ZSCAN30: variants seen among roughly 807,000 people sequenced by gnomAD.
ZSCAN30 encodes zinc finger and SCAN domain containing 30.
ZSCAN30 carries 37 observed loss-of-function variants against 44.3 expected under a neutral mutation model. The ratio of observed to expected loss-of-function variants is 0.84; its 90% CI spans 0.64 to 1.10. ZSCAN30 has a LOEUF of 1.10. Among genes scored for constraint, ZSCAN30 ranks in the 50% least tolerant of loss-of-function variants. ZSCAN30 has a pLI of 0.00. For synonymous variants in ZSCAN30, 181 were observed against 204.6 expected (o/e 0.88, Z 0.98); for missense variants, 549 against 582.6 (o/e 0.94, Z 0.59).
chr18:35,251,439 G>T lies in ZSCAN30; in HGVS notation c.*2011C>A, dbSNP rs895174408. ...TTCTGATCGACCTCACTCGATAACTGCACAACCTCTGGACACAAAGAGGCC... is the reference window on the plus strand; with the variant it reads ...TTCTGATCGACCTCACTCGATAACTTCACAACCTCTGGACACAAAGAGGCC... On this transcript the variant is annotated 3_prime_UTR_variant, in exon 4 of 4. Coordinates refer to ENST00000333206, the MANE Select transcript of ZSCAN30 (RefSeq NM_001112734.4). 1.3e-5 allele frequency: 2 copies of T among 152,162 alleles called. No individual in the cohort carries two copies. Among genetic ancestry groups the T allele is most frequent in the African/African-American group, 4.8e-5 (2 of 41,412 alleles). 9.4% of individuals were successfully genotyped at this position (152,162 alleles called of 1,614,324 possible).
Position 35,254,212 on chromosome 18 carries a change from A to G in ZSCAN30, c.723T>C (p.Asn241=), listed in dbSNP as rs1341858394. 1.2e-6 allele frequency: 2 copies of G among 1,614,100 alleles called. No homozygotes were observed. Among genetic ancestry groups the G allele is most frequent in the Non-Finnish European group, 1.7e-6 (2 of 1,180,000 alleles). The part of the protein sequence containing the change: ...GLDNSKKQKG[N]AAGNKISQLP... ...GCTGACTGATTTTGTTCCCTGCAGC[A>G]TTTCCCTTTTGCTTCTTAGAGTTGT... Residue 241 remains asparagine, a synonymous_variant, in exon 4 of 4, where the codon AAT becomes AAC. Transcript: ENST00000333206.
chr18:35,288,844 CAT>C (rs1203659121), intron 1 of ZSCAN30, among the ~76,000 whole-genome samples: 1 of 152,140 alleles, frequency 6.6e-6, no homozygotes, highest in Non-Finnish European at 1.5e-5. Flanking sequence ...ATGTAATAAA[CAT>C]ATTATTTTGA....
At chr18:35,281,761 A>T (rs1379100904) in intron 1 of ZSCAN30, 1 of 152,170 alleles carries the variant, frequency 6.6e-6, no homozygotes, top group East Asian at 1.9e-4. Flanking sequence ...CTCTTACAGA[A>T]ATTCTAGAAG....
rs2043680915 is a variant in ZSCAN30, at chr18:35,253,758, C to T, written c.1177G>A (p.Ala393Thr). 6.2e-7 allele frequency: 1 copy of T among 1,613,492 alleles called. No homozygotes were observed. Among genetic ancestry groups the T allele is most frequent in the South Asian group, 1.1e-5 (1 of 91,036 alleles). The change falls in exon 4 of 4, where the codon GCC becomes ACC. Residue 393 changes from alanine (A) to threonine (T), a missense_variant. Transcript: ENST00000333206. ...KPYECGECGK[A>T]FSRSSALIQH... ...ATAAGGGCTGAGCTCCGGCTGAAGG[C>T]CTTCCCACATTCTCCACATTCATAA...
chr18:35,253,513 A>G lies in ZSCAN30; in HGVS notation c.1422T>C (p.Cys474=), dbSNP rs774805556. Residue 474 remains cysteine, a synonymous_variant, in exon 4 of 4, where the codon TGT becomes TGC. Coordinates refer to ENST00000333206, the MANE Select transcript of ZSCAN30 (RefSeq NM_001112734.4). ...CTGACCTATGCCTAAATGTTTTTCT[A>G]CATTCACTACATTCATAAGGCTTCT... The part of the protein sequence containing the change: ...TGEKPYECSE[C]RKTFRHRSGL... 1.2e-6 allele frequency: 2 copies of G among 1,611,898 alleles called. No individual in the cohort carries two copies. Among genetic ancestry groups the G allele is most frequent in the East Asian group, 2.2e-5 (1 of 44,824 alleles).
intron 1 of ZSCAN30, chr18:35,282,285 G>C (rs1198707988): frequency 6.6e-6 from 1 of 152,150 alleles, no homozygotes; most frequent in African/African-American, 2.4e-5. Flanking sequence ...CCAACAAAAA[G>C]ACTATTTTCC....
intron 1 of ZSCAN30, chr18:35,282,694 T>C (rs1484855282): frequency 6.6e-6 from 1 of 152,228 alleles, no homozygotes; most frequent in African/African-American, 2.4e-5. Context: ...CTTCTCCAAC[T>C]CCTGGCCTAT....
chr18:35,282,877 G>GACTA (rs760234928), intron 1 of ZSCAN30: 12 of 152,120 alleles, frequency 7.9e-5, no homozygotes, highest in Non-Finnish European at 1.2e-4. Context: ...CTTCCTTTCT[G>GACTA]ACTACTCTGC....
chr18:35,253,725 T>C lies in ZSCAN30; in HGVS notation c.1210A>G (p.Lys404Glu), dbSNP rs1569058171. 3 of 1,613,758 alleles carry C rather than the reference T, an allele frequency of 1.9e-6. No homozygotes were observed. Among genetic ancestry groups the C allele is most frequent in the African/African-American group, 2.7e-5 (2 of 74,812 alleles). ...FSRSSALIQH[K>E]KIHTGDKSYE... The stretch of plus-strand genomic sequence containing the variant: ...CTTTTATCTCCAGTGTGAATTTTCT[T>C]ATGCTGAATAAGGGCTGAGCTCCGG... The change falls in exon 4 of 4, where the codon AAG (lysine) becomes GAG (glutamate). Residue 404 changes from lysine (K) to glutamate (E), a missense_variant. Coordinates refer to ENST00000333206, the MANE Select transcript of ZSCAN30 (RefSeq NM_001112734.4).
intron 1 of ZSCAN30, chr18:35,269,026 G>A (rs933649351): frequency 6.6e-6 from 1 of 152,244 alleles, no homozygotes; most frequent in African/African-American, 2.4e-5. Context: ...GTGAGTGCAA[G>A]AGAAAAGGGA....
At chr18:35,286,340 G>A (rs376615936) in intron 1 of ZSCAN30, among the ~76,000 whole-genome samples, 14 of 152,012 alleles carry the variant, frequency 9.2e-5, no homozygotes, top group African/African-American at 2.2e-4. Flanking sequence ...TGAGGCCCAC[G>A]TTACCTTGAT....
In ZSCAN30 at chr18:35,254,217, C is replaced by T; in HGVS notation, c.718G>A (p.Gly240Arg). The change falls in exon 4 of 4, where the codon GGA becomes AGA. Residue 240 changes from glycine to arginine, a missense_variant. Transcript: ENST00000333206. ...GGLDNSKKQK[G>R]NAAGNKISQL... ...CTGATTTTGTTCCCTGCAGCATTTC[C>T]CTTTTGCTTCTTAGAGTTGTCCAGA... 3 of 1,614,122 alleles carry T rather than the reference C, an allele frequency of 1.9e-6. No individual in the cohort carries two copies. The highest frequency in any genetic ancestry group is 2.5e-6 in the Non-Finnish European group (3 of 1,180,006).
Position 35,263,528 on chromosome 18 carries a change from C to T in ZSCAN30, c.538G>A (p.Ala180Thr). The T allele has an allele frequency of 6.2e-7, 1 of 1,614,208 alleles. No individual in the cohort carries two copies. ...GGCTTCTCACCTCTCTCCTGGAAAGCCTGGGACTCCTGAGTCTCAGTCTTG... is the reference window on the plus strand; with the variant it reads ...GGCTTCTCACCTCTCTCCTGGAAAGTCTGGGACTCCTGAGTCTCAGTCTTG... Reference protein sequence around the residue: ...QCKTETQESQAFQERDGRMVA... With the variant: ...QCKTETQESQTFQERDGRMVA... The change falls in exon 3 of 4, where the codon GCT becomes ACT. Residue 180 changes from alanine to threonine, a missense_variant. Transcript: ENST00000333206.
intron 1 of ZSCAN30, among the ~76,000 whole-genome samples, chr18:35,286,395 T>G (rs893889544): frequency 6.6e-6 from 1 of 152,148 alleles, no homozygotes; most frequent in Admixed American, 6.5e-5. Flanking sequence ...TAGGCCAATA[T>G]TCTTCATGAA....
At chr18:35,267,531 G>C (rs1237446168) in intron 1 of ZSCAN30, 1 of 152,064 alleles carries the variant, frequency 6.6e-6, no homozygotes. Flanking sequence ...AACAATGCCC[G>C]GCCGCACGCG....
At position 35,253,754 on chromosome 18, in the gene ZSCAN30, A is replaced by AAGG. The variant is rs769215537; in HGVS notation, c.1178_1180dup (p.Ala393_Phe394insSer). 6.2e-7 allele frequency: 1 copy of AAGG among 1,614,164 alleles called. No individual in the cohort carries two copies. Among genetic ancestry groups the AAGG allele is most frequent in the Admixed American group, 1.7e-5 (1 of 60,014 alleles). On this transcript the variant is annotated inframe_insertion, in exon 4 of 4. Coordinates refer to ENST00000333206, the MANE Select transcript of ZSCAN30 (RefSeq NM_001112734.4). ...CTGAATAAGGGCTGAGCTCCGGCTGAAGGCCTTCCCACATTCTCCACATTC... is the reference window on the plus strand; with the variant it reads ...CTGAATAAGGGCTGAGCTCCGGCTGAAGGAGGCCTTCCCACATTCTCCACATTC...
At chr18:35,287,550 C>T (rs1325869758) in intron 1 of ZSCAN30, among the ~76,000 whole-genome samples, 2 of 77,182 alleles carry the variant, frequency 2.6e-5, no homozygotes, top group Non-Finnish European at 5.0e-5. Context: ...AGAAATGGTA[C>T]AGAACAACTG....
At chr18:35,266,547 G>A (rs1183982196) in intron 1 of ZSCAN30, 1 of 151,592 alleles carries the variant, frequency 6.6e-6, no homozygotes, top group African/African-American at 2.4e-5. Context: ...CATTAAGAAA[G>A]TTAGGTCTGA....
rs781447594 is a variant in ZSCAN30 at position 35,253,934 on chromosome 18, C to A, written c.1001G>T (p.Cys334Phe). The change falls in exon 4 of 4, where the codon TGT becomes TTT. Residue 334 changes from cysteine (C) to phenylalanine (F), a missense_variant. Transcript: ENST00000333206. ...TGAGCTCAAACTGAAGGCTTTGCCA[C>A]ATTCTTTACATGCATAAGGTCTCTC... ...TGERPYACKE[C>F]GKAFSLSSDL... 5 of 1,614,182 alleles carry A rather than the reference C, an allele frequency of 3.1e-6. No individual in the cohort carries two copies. The highest frequency in any genetic ancestry group is 4.2e-6 in the Non-Finnish European group (5 of 1,180,022).
Sources: allele counts gnomAD v4.1 joint callset (sites outside exome capture counted in the v4.1 genomes callset), GRCh38; gene constraint gnomAD v4.1.1; transcripts MANE v1.5; gene names NCBI Gene and HGNC (gene_info 2026-07-23, HGNC 2026-07-21).